COX7B2: variants seen among roughly 807,000 people sequenced by gnomAD.
The protein encoded by COX7B2 is cytochrome c oxidase subunit 7B2.
For synonymous variants in COX7B2, 37 were observed against 32.1 expected (o/e 1.15, Z -0.51); for missense variants, 109 against 95.9 (o/e 1.14, Z -0.57).
chr4:46,862,724 C>T (rs1717412011), intron 1 of COX7B2, among the ~76,000 whole-genome samples: 1 of 152,084 alleles, frequency 6.6e-6, no homozygotes, highest in Non-Finnish European at 1.5e-5. Context: ...TAGGTGTTCA[C>T]CTAATGTTCA....
In COX7B2 at chr4:46,809,611, C is replaced by T. The variant is rs994236874; in HGVS notation, c.-50+35349G>A. ...GATTTATCTAAATACTAGTTTCATA[C>T]AATTAGTGTCAGAAATGATACTCAA... On this transcript the variant is annotated intron_variant, in intron 2 of 2. Coordinates refer to ENST00000355591, the MANE Select transcript of COX7B2 (RefSeq NM_130902.3). Among the ~76,000 whole-genome samples the T allele has an allele frequency of 5.9e-5, 9 of 151,782 alleles. 1 individual carries two copies. The highest frequency in any genetic ancestry group is 1.3e-4 in the Non-Finnish European group (9 of 67,752).
intron 2 of COX7B2, among the ~76,000 whole-genome samples, chr4:46,758,172 T>C (rs1170994051): frequency 6.6e-6 from 1 of 151,922 alleles, no homozygotes; most frequent in Non-Finnish European, 1.5e-5. Flanking sequence ...ATAACATTGT[T>C]CTATAAACAC....
chr4:46,874,680 A>G (rs750328006), intron 1 of COX7B2, among the ~76,000 whole-genome samples: 2 of 152,152 alleles, frequency 1.3e-5, no homozygotes, highest in Non-Finnish European at 2.9e-5. Context: ...GAAAGCACAC[A>G]ATATTTATCT....
At chr4:46,799,440 A>G (rs567535091) in intron 2 of COX7B2, among the ~76,000 whole-genome samples, 32 of 152,104 alleles carry the variant, frequency 2.1e-4, no homozygotes, top group Non-Finnish European at 4.4e-4. Flanking sequence ...TCTTATTCCA[A>G]TTCTCAACAG....
intron 2 of COX7B2, among the ~76,000 whole-genome samples, chr4:46,830,352 AAGAGAAAACGG>A (rs1341044759): frequency 2.0e-5 from 3 of 151,812 alleles, no homozygotes; most frequent in South Asian, 2.1e-4. Context: ...AAGAAAAAGA[AAGAGAAAACGG>A]AGAGAAAAGA....
chr4:46,797,525 G>C (rs1718428415), intron 2 of COX7B2, among the ~76,000 whole-genome samples: 1 of 152,138 alleles, frequency 6.6e-6, no homozygotes, highest in Non-Finnish European at 1.5e-5. Context: ...ACTATACAGT[G>C]AGTGCTATTA....
intron 2 of COX7B2, among the ~76,000 whole-genome samples, chr4:46,827,821 A>G (rs1714799700): frequency 6.6e-6 from 1 of 152,204 alleles, no homozygotes; most frequent in Admixed American, 6.5e-5. Flanking sequence ...TAGTGAATGA[A>G]GCCAAACGCA....
intron 1 of COX7B2, among the ~76,000 whole-genome samples, chr4:46,883,225 G>A (rs951300266): frequency 1.3e-5 from 2 of 152,146 alleles, no homozygotes; most frequent in African/African-American, 4.8e-5. Context: ...ACCATGAGAA[G>A]GACATTATCA....
At chr4:46,860,692 T>C (rs887274954) in intron 1 of COX7B2, among the ~76,000 whole-genome samples, 1 of 152,202 alleles carries the variant, frequency 6.6e-6, no homozygotes, top group Non-Finnish European at 1.5e-5. Flanking sequence ...TCCTTTTTAC[T>C]CTAATGCCAT....
intron 2 of COX7B2, among the ~76,000 whole-genome samples, chr4:46,802,027 A>G (rs992891949): frequency 6.6e-6 from 1 of 152,174 alleles, no homozygotes; most frequent in Non-Finnish European, 1.5e-5. Flanking sequence ...TCAACAGAGT[A>G]GAGATAACCC....
chr4:46,748,177 C>T (rs1715136627), intron 2 of COX7B2, among the ~76,000 whole-genome samples: 1 of 152,082 alleles, frequency 6.6e-6, no homozygotes, highest in Non-Finnish European at 1.5e-5. Flanking sequence ...TCATCCAGGA[C>T]CAGACTTAAG....
intron 2 of COX7B2, among the ~76,000 whole-genome samples, chr4:46,843,162 G>T (rs1716052590): frequency 6.6e-6 from 1 of 151,948 alleles, no homozygotes; most frequent in South Asian, 2.1e-4. Flanking sequence ...CTGATGATGA[G>T]CTCACTTTAA....
At chr4:46,774,239 C>T (rs942452941) in intron 2 of COX7B2, among the ~76,000 whole-genome samples, 1 of 152,084 alleles carries the variant, frequency 6.6e-6, no homozygotes, top group African/African-American at 2.4e-5. Context: ...AAACTAAATT[C>T]CCTTCTTGGC....
intron 2 of COX7B2, among the ~76,000 whole-genome samples, chr4:46,770,972 T>C (rs764368256): frequency 3.9e-5 from 6 of 152,092 alleles, no homozygotes; most frequent in Non-Finnish European, 7.4e-5. Context: ...AACATACAAA[T>C]GGGATTGCAT....
intron 1 of COX7B2, among the ~76,000 whole-genome samples, chr4:46,881,421 C>T (rs1216326137): frequency 6.6e-6 from 1 of 152,084 alleles, no homozygotes; most frequent in African/African-American, 2.4e-5. Context: ...CCAAAGGATA[C>T]AAATCAGATA....
Position 46,752,463 on chromosome 4 carries a change from C to T in COX7B2, c.-49-17222G>A, listed in dbSNP as rs36181521. ...AGAACTTCCAACACTATGTTGAATA[C>T]GAGTGGTGAGAGAGGGCATCCCTGT... On this transcript the variant is annotated intron_variant, in intron 2 of 2. Coordinates refer to ENST00000355591, the MANE Select transcript of COX7B2 (RefSeq NM_130902.3). Among the ~76,000 whole-genome samples, 280 of 151,966 alleles carry T rather than the reference C, an allele frequency of 1.8e-3. 1 individual carries two copies. The highest frequency in any genetic ancestry group is 6.1e-3 in the African/African-American group (251 of 41,480).
At chr4:46,861,340 C>T (rs905921554) in intron 1 of COX7B2, among the ~76,000 whole-genome samples, 12 of 152,110 alleles carry the variant, frequency 7.9e-5, no homozygotes, top group Non-Finnish European at 1.5e-4. Flanking sequence ...CAACTGTGTA[C>T]TGACTATTCT....
chr4:46,876,382 AAC>A (rs1273185508), intron 1 of COX7B2, among the ~76,000 whole-genome samples: 9 of 151,954 alleles, frequency 5.9e-5, no homozygotes, highest in African/African-American at 1.5e-4. Flanking sequence ...TTCAGTTTCA[AAC>A]ACAGAGTCCG....
chr4:46,837,344 A>C (rs936630715), intron 2 of COX7B2, among the ~76,000 whole-genome samples: 1 of 151,900 alleles, frequency 6.6e-6, no homozygotes, highest in Non-Finnish European at 1.5e-5. Flanking sequence ...ATAAGAAGGT[A>C]TGAAGTGATA....
Sources: gnomAD v4.1 joint callset for allele counts (sites outside exome capture counted in the v4.1 genomes callset) on GRCh38, gnomAD v4.1.1 for gene constraint, MANE v1.5 for transcripts, NCBI Gene and HGNC (gene_info 2026-07-23, HGNC 2026-07-21) for gene names.